The following USP9X variants were observed in gnomAD, a reference collection of about 807,000 sequenced individuals.
USP9X encodes the protein ubiquitin specific peptidase 9 X-linked.
Under a neutral mutation model 190.3 loss-of-function variants are expected in USP9X, and 7 were observed. The observed-to-expected ratio is 0.04, with a 90% CI of 0.02 to 0.07. The LOEUF (loss-of-function observed/expected upper bound fraction) is 0.07. Among genes scored for constraint, USP9X ranks in the 10% least tolerant of loss-of-function variants. USP9X has a pLI of 1.00. For missense variants in USP9X, 1,010 were observed against 1,916.9 expected, an observed-to-expected ratio of 0.53 and a Z score of 8.83; for synonymous variants, 645 against 659.5, an observed-to-expected ratio of 0.98 and a Z score of 0.34.
At chrX:41,215,737 A>G (rs1460283238) in intron 34 of USP9X, among the ~76,000 whole-genome samples, 162 bp from the exon 35 acceptor site, 3 of 112,021 alleles carry the variant, frequency 2.7e-5, no homozygotes, top group African/African-American at 6.5e-5. Flanking sequence ...CAGCATTTAA[A>G]TCAGCTGATA....
intron 18 of USP9X, among the ~76,000 whole-genome samples, chrX:41,169,176 T>C (rs1431209238): frequency 9.1e-6 from 1 of 110,207 alleles, no homozygotes; most frequent in East Asian, 2.9e-4. Context: ...GGTCTACCTA[T>C]GTTGTCGAGG....
intron 21 of USP9X, among the ~76,000 whole-genome samples, chrX:41,174,997 A>G (rs2062761426): frequency 9.0e-6 from 1 of 111,620 alleles, no homozygotes; most frequent in Non-Finnish European, 1.9e-5. Context: ...AAAAAAAAGT[A>G]TTTTGTGCAG....
intron 13 of USP9X, 127 bp downstream of exon 13, chrX:41,151,184 T>G: frequency 1.5e-6 from 1 of 663,133 alleles, no homozygotes; most frequent in Non-Finnish European, 2.1e-6. Flanking sequence ...ATATAAGAAG[T>G]GTTTGGAACA....
intron 1 of USP9X, among the ~76,000 whole-genome samples, chrX:41,106,626 G>A (rs2062071597): frequency 9.8e-6 from 1 of 101,539 alleles, no homozygotes; most frequent in Non-Finnish European, 2.0e-5. Context: ...CACCTCCTGG[G>A]TTCAAGCACT....
chrX:41,207,841 G>A (rs1434299118), intron 32 of USP9X, among the ~76,000 whole-genome samples: 3 of 109,792 alleles, frequency 2.7e-5, no homozygotes, highest in Non-Finnish European at 5.7e-5. Flanking sequence ...AGTGTCTTGC[G>A]TGGACCACCC....
In USP9X at chrX:41,129,151, T is replaced by C. The variant is rs765213635; in HGVS notation, c.242+6T>C. The C allele has an allele frequency of 1.7e-6, 2 of 1,206,103 alleles. No individual in the cohort carries two copies. Among genetic ancestry groups the C allele is most frequent in the South Asian group, 3.6e-5 (2 of 55,419 alleles). ...TTGGATGACATGATCAACAGGTGAG[T>C]TGGTGTGTAACACCCAAGAAAGAGA... On this transcript the variant is annotated splice_donor_region_variant and intron_variant, in intron 3 of 44. Coordinates refer to ENST00000378308, the MANE Select transcript of USP9X (RefSeq NM_001039591.3).
chrX:41,094,185 T>TTTTTTA (rs1491155556), intron 1 of USP9X, among the ~76,000 whole-genome samples: 3 of 18,945 alleles, frequency 1.6e-4, no homozygotes, highest in African/African-American at 6.4e-4. Context: ...TTCTTTTTTC[T>TTTTTTA]TTTTTTTTGA....
intron 1 of USP9X, among the ~76,000 whole-genome samples, chrX:41,092,482 A>G (rs977095873): frequency 8.1e-5 from 9 of 111,007 alleles, no homozygotes; most frequent in Non-Finnish European, 1.3e-4. Flanking sequence ...GTAGTGTACA[A>G]AGTTTTGGTT....
At position 41,151,072 on chromosome X, in the gene USP9X, C is replaced by T; in HGVS notation, c.1763+15C>T. On this transcript the variant is annotated intron_variant, in intron 13 of 44. Coordinates refer to ENST00000378308, the MANE Select transcript of USP9X (RefSeq NM_001039591.3). ...CAAAATTTGAGGTAAGACTTTTTAACATAGAAAATTTCAATACTTAAAATT... is the reference window on the plus strand; with the variant it reads ...CAAAATTTGAGGTAAGACTTTTTAATATAGAAAATTTCAATACTTAAAATT... 1 of 1,180,888 alleles carries T rather than the reference C, an allele frequency of 8.5e-7. No individual in the cohort carries two copies.
At chrX:41,123,903 C>T (rs1374501543) in intron 2 of USP9X, among the ~76,000 whole-genome samples, 179 bp downstream of exon 2, 3 of 110,388 alleles carry the variant, frequency 2.7e-5, no homozygotes, top group African/African-American at 6.6e-5. Context: ...ATTAGCCGGG[C>T]GTGGTAGCAT....
In USP9X at chrX:41,217,363, C is replaced by A. The variant is rs772237232; in HGVS notation, c.6209+20C>A. 1 of 1,191,298 alleles carries A rather than the reference C, an allele frequency of 8.4e-7. No individual in the cohort carries two copies. The highest frequency in any genetic ancestry group is 1.9e-5 in the South Asian group (1 of 52,774). ...TGATTGGTACATTGCTTTGGATTTT[C>A]ATTCCTATTATACTAATGTTTGGTT... On this transcript the variant is annotated intron_variant, in intron 36 of 44. Coordinates refer to ENST00000378308, the MANE Select transcript of USP9X (RefSeq NM_001039591.3).
At chrX:41,088,958 G>A (rs2061933345) in intron 1 of USP9X, among the ~76,000 whole-genome samples, 1 of 103,404 alleles carries the variant, frequency 9.7e-6, no homozygotes, top group African/African-American at 3.5e-5. Flanking sequence ...CACTTGGCGG[G>A]GTTAAAAAAC....
At position 41,218,436 on chromosome X, in the gene USP9X, G is replaced by C; in HGVS notation, c.6274G>C (p.Val2092Leu). 1 of 1,211,340 alleles carries C rather than the reference G, an allele frequency of 8.3e-7. No homozygotes were observed. Reference sequence around the variant, plus strand: ...TGTACGTTTTTGGTTTGCTCATAACGTCCTTTTTAATGTTTCAAATCGCTT... The same window carrying C: ...TGTACGTTTTTGGTTTGCTCATAACCTCCTTTTTAATGTTTCAAATCGCTT... ...KNVRFWFAHN[V>L]LFNVSNRFSE... is the part of the protein sequence containing the mutation. Residue 2092 changes from valine (V) to leucine (L), a missense_variant, in exon 37 of 45, where the codon GTC becomes CTC. By Grantham distance (32) the Val-to-Leu change is conservative (BLOSUM62 1). Around this residue, in one of 11 missense-constraint regions of USP9X, gnomAD observed 121 missense variants for 281.2 expected, o/e 0.43. Coordinates refer to ENST00000378308, the MANE Select transcript of USP9X (RefSeq NM_001039591.3).
rs904490608 is a variant in USP9X at position 41,165,784 on chromosome X, T to C, written c.1986-88T>C. 5 of 690,570 alleles carry C rather than the reference T, an allele frequency of 7.2e-6. No individual in the cohort carries two copies. The African/African-American group carries it at 8.9e-5, about 12-fold the overall frequency. The allele number at this position is 690,570 out of a possible 1,213,427, so 56.9% of individuals were successfully genotyped here. On this transcript the variant is annotated intron_variant, in intron 15 of 44. Transcript: ENST00000378308. ...TTTATCTATAGTTAAAATATAATGGTGATAAATGTATTTTATAGGTAATAC... is the reference window on the plus strand; with the variant it reads ...TTTATCTATAGTTAAAATATAATGGCGATAAATGTATTTTATAGGTAATAC...
intron 30 of USP9X, 83 bp downstream of exon 30, chrX:41,198,833 C>G (rs2063013262): frequency 3.4e-6 from 3 of 891,302 alleles, no homozygotes; most frequent in Non-Finnish European, 4.7e-6. Flanking sequence ...GAAAATATTT[C>G]CAACTTACGT....
intron 10 of USP9X, among the ~76,000 whole-genome samples, chrX:41,143,896 A>G (rs2062442744): frequency 9.0e-6 from 1 of 110,986 alleles, no homozygotes; most frequent in South Asian, 3.7e-4. Flanking sequence ...GGAAACTACA[A>G]CTCCTTCTAT....
At chrX:41,191,049 C>T (rs2062930710) in intron 26 of USP9X, among the ~76,000 whole-genome samples, 1 of 111,187 alleles carries the variant, frequency 9.0e-6, no homozygotes, top group African/African-American at 3.3e-5. Context: ...ATCCCCAGGC[C>T]GGGCACGGTG....
intron 14 of USP9X, among the ~76,000 whole-genome samples, chrX:41,157,910 CTAAAT>C (rs765930020): frequency 4.5e-5 from 5 of 111,495 alleles, no homozygotes; most frequent in African/African-American, 9.8e-5. Context: ...AATGTCTAAT[CTAAAT>C]TAGAGGATAG....
intron 13 of USP9X, among the ~76,000 whole-genome samples, chrX:41,151,418 G>T (rs112968924): frequency 0.13 from 14,861 of 111,260 alleles, 893 homozygotes; most frequent in East Asian, 0.22. Flanking sequence ...AACATGACAA[G>T]ATAAAGTTTC....
Sources: allele counts gnomAD v4.1 joint callset (sites outside exome capture counted in the v4.1 genomes callset), GRCh38; gene constraint gnomAD v4.1.1; regional missense constraint gnomAD v4.1.1; transcripts MANE v1.5; gene names NCBI Gene and HGNC (gene_info 2026-07-23, HGNC 2026-07-21).